Variants in DGKH observed in about 807,000 individuals in gnomAD.
DGKH encodes diacylglycerol kinase eta, also known as DAG kinase eta.
Under a neutral mutation model 159.3 loss-of-function variants are expected in DGKH, and 90 were observed. The observed-to-expected ratio is 0.57, with a 90% CI of 0.48 to 0.67. The LOEUF (loss-of-function observed/expected upper bound fraction) is 0.67. Among genes scored for constraint, DGKH ranks in the 30% least tolerant of loss-of-function variants. The pLI is 0.00. For synonymous variants in DGKH, 536 were observed against 553.8 expected (o/e 0.97, Z 0.45); for missense variants, 1,181 against 1,506.1 (o/e 0.78, Z 3.57).
At chr13:42,102,918 A>G (rs564221014) in intron 1 of DGKH, among the ~76,000 whole-genome samples, 1 of 152,348 alleles carries the variant, frequency 6.6e-6, no homozygotes, top group African/African-American at 2.4e-5. Flanking sequence ...TACTTGGGAC[A>G]ATGACTATAC....
At chr13:42,056,957 A>T (rs574520083) in intron 1 of DGKH, among the ~76,000 whole-genome samples, 1 of 152,118 alleles carries the variant, frequency 6.6e-6, no homozygotes, top group Admixed American at 6.5e-5. Context: ...GCCGTTTTGC[A>T]TTTGGATCCT....
chr13:42,049,037 C>T (rs920685241), intron 1 of DGKH, 72 bp downstream of exon 1: 1 of 989,266 alleles, frequency 1.0e-6, no homozygotes, highest in Non-Finnish European at 1.2e-6. Context: ...GGCGCTGGAA[C>T]GCGCCGGGCG....
chr13:42,079,191 C>T (rs1040059781), intron 1 of DGKH, among the ~76,000 whole-genome samples: 2 of 152,072 alleles, frequency 1.3e-5, no homozygotes, highest in Non-Finnish European at 2.9e-5. Flanking sequence ...GCTGGGATTA[C>T]AGGCGTGAGC....
At chr13:42,112,581 G>A (rs926714620) in intron 1 of DGKH, among the ~76,000 whole-genome samples, 1 of 152,236 alleles carries the variant, frequency 6.6e-6, no homozygotes, top group African/African-American at 2.4e-5. Flanking sequence ...GAAAAGCTCA[G>A]ATGATCCTGA....
intron 9 of DGKH, 109 bp downstream of exon 9, chr13:42,166,783 G>C: frequency 1.1e-6 from 1 of 943,914 alleles, no homozygotes; most frequent in South Asian, 3.6e-5. Flanking sequence ...TCCCTCCCTC[G>C]TTTTTAAAGC....
At chr13:42,119,992 T>C (rs574182673) in intron 1 of DGKH, among the ~76,000 whole-genome samples, 196 of 152,312 alleles carry the variant, frequency 1.3e-3, no homozygotes, top group African/African-American at 4.4e-3. Context: ...GGTTATATTT[T>C]CCCCATATTA....
In DGKH at chr13:42,099,650, T is replaced by C. The variant is rs142457962; in HGVS notation, c.193-27813T>C. 5.9e-5 allele frequency among the ~76,000 whole-genome samples: 9 copies of C among 152,336 alleles called. No individual in the cohort carries two copies. In the East Asian group the frequency reaches 1.7e-3, roughly 29 times the overall value. The stretch of plus-strand genomic sequence containing the variant: ...GTGTTACCCATTCAGCAAATATTTA[T>C]TGTGTGCCAACTACGAGCTAGGCAA... On this transcript the variant is annotated intron_variant, in intron 1 of 29. Coordinates refer to ENST00000337343, the MANE Select transcript of DGKH (RefSeq NM_178009.5).
chr13:42,063,785 C>A (rs1882357772), intron 1 of DGKH, among the ~76,000 whole-genome samples: 1 of 151,908 alleles, frequency 6.6e-6, no homozygotes, highest in Non-Finnish European at 1.5e-5. Flanking sequence ...ATTAAAAATA[C>A]AAAATTAGCC....
intron 1 of DGKH, among the ~76,000 whole-genome samples, chr13:42,101,192 G>A (rs1046199338): frequency 1.3e-5 from 2 of 152,204 alleles, no homozygotes; most frequent in Non-Finnish European, 2.9e-5. Flanking sequence ...ATATGTTGAT[G>A]TTATTTCCCC....
At chr13:42,096,752 C>A (rs1293754011) in intron 1 of DGKH, among the ~76,000 whole-genome samples, 1 of 152,152 alleles carries the variant, frequency 6.6e-6, no homozygotes, top group Non-Finnish European at 1.5e-5. Context: ...TGACTGAGGA[C>A]CCTTTCAAGA....
chr13:42,199,964 C>T lies in DGKH; in HGVS notation c.2493+55C>T, dbSNP rs577016700. ...ATATTATCTTACTTAAAAAAAATAT[C>T]GTTTTGGAGCTAATTTGACCTAAAT... On this transcript the variant is annotated intron_variant, in intron 20 of 29. Transcript: ENST00000337343. The T allele has an allele frequency of 3.5e-5, 51 of 1,447,340 alleles. No homozygotes were observed. The East Asian group carries it at 8.4e-4, about 24-fold the overall frequency. The allele number at this position is 1,447,340 out of a possible 1,614,324, so 89.7% of individuals were successfully genotyped here.
intron 19 of DGKH, 59 bp downstream of exon 19, chr13:42,199,735 A>G (rs1957299991): frequency 3.2e-6 from 5 of 1,557,354 alleles, no homozygotes; most frequent in Admixed American, 2.0e-5. Flanking sequence ...TTCATTTATT[A>G]TGTCTTTTTG....
At chr13:42,171,338 C>T (rs1391405811) in intron 11 of DGKH, among the ~76,000 whole-genome samples, 1 of 152,068 alleles carries the variant, frequency 6.6e-6, no homozygotes, top group African/African-American at 2.4e-5. Context: ...GGTCCTTTCT[C>T]AACTCTGCAC....
intron 2 of DGKH, 31 bp from the exon 3 acceptor site, chr13:42,129,521 A>G (rs565659233): frequency 7.0e-6 from 11 of 1,562,756 alleles, no homozygotes; most frequent in Non-Finnish European, 9.7e-6. Flanking sequence ...GTTTTCTTCT[A>G]ATGTCTTTGT....
intron 20 of DGKH, among the ~76,000 whole-genome samples, chr13:42,200,942 C>T (rs1166086499): frequency 6.6e-6 from 1 of 152,062 alleles, no homozygotes; most frequent in African/African-American, 2.4e-5. Flanking sequence ...ATCATGTAAT[C>T]ATTCCTTTTT....
At position 42,186,016 on chromosome 13, in the gene DGKH, T is replaced by TG. The variant is rs1566170010; in HGVS notation, c.1539-1032dup. Among the ~76,000 whole-genome samples the TG allele has an allele frequency of 5.5e-3, 512 of 92,282 alleles. 2 individuals are homozygous for TG. The highest frequency in any genetic ancestry group is 0.018 in the East Asian group (58 of 3,294). 60.5% of individuals were successfully genotyped at this position (92,282 alleles called of 152,430 possible). ...GAGGAGTGGTGGTGGTGGTGGTGTG[T>TG]GTGTGTGTGTGTGTGTGTGTGTGTG... On this transcript the variant is annotated intron_variant, in intron 13 of 29. Coordinates refer to ENST00000337343, the MANE Select transcript of DGKH (RefSeq NM_178009.5).
chr13:42,183,575 T>G (rs979881415), intron 13 of DGKH, among the ~76,000 whole-genome samples: 2 of 152,256 alleles, frequency 1.3e-5, no homozygotes, highest in Non-Finnish European at 2.9e-5. Context: ...TTTCATGCAA[T>G]AATAATTCCC....
chr13:42,156,299 G>C, intron 5 of DGKH, among the ~76,000 whole-genome samples: 1 of 152,120 alleles, frequency 6.6e-6, no homozygotes, highest in Non-Finnish European at 1.5e-5. Context: ...CTGGAATGCA[G>C]TGGCATGATC....
At position 42,109,959 on chromosome 13, in the gene DGKH, ATATC is replaced by A. The variant is rs1003588470; in HGVS notation, c.193-17492_193-17489del. Among the ~76,000 whole-genome samples, 3 of 152,144 alleles carry A rather than the reference ATATC, an allele frequency of 2.0e-5. No homozygotes were observed. In the East Asian group the frequency reaches 5.8e-4, roughly 29 times the overall value. On this transcript the variant is annotated intron_variant, in intron 1 of 29. Coordinates refer to ENST00000337343, the MANE Select transcript of DGKH (RefSeq NM_178009.5). ...ATAACATATATATGTGTATCTATCT[ATATC>A]TATCTATCTATGTATCTAATCTGTC...
Sources: allele counts gnomAD v4.1 joint callset (sites outside exome capture counted in the v4.1 genomes callset), GRCh38; gene constraint gnomAD v4.1.1; transcripts MANE v1.5; gene names NCBI Gene and HGNC (gene_info 2026-07-23, HGNC 2026-07-21).